Variants in LOC128092252 observed in about 807,000 individuals in gnomAD.
At chr15:50,649,445 A>AT in the LOC128092252 span, among the ~76,000 whole-genome samples, 7 of 151,978 alleles carry the variant, frequency 4.6e-5, no homozygotes, top group Admixed American at 2.6e-4. Context: ...CTCAAAAAAA[A>AT]AAAAAAGAAA....
At chr15:50,673,650 A>T in the LOC128092252 span, among the ~76,000 whole-genome samples, 1 of 151,676 alleles carries the variant, frequency 6.6e-6, no homozygotes, top group South Asian at 2.1e-4. Flanking sequence ...ATATATATAT[A>T]CCACAGTTTC....
At chr15:50,681,933 G>A in the LOC128092252 span, among the ~76,000 whole-genome samples, 11 of 152,134 alleles carry the variant, frequency 7.2e-5, no homozygotes, top group Non-Finnish European at 1.5e-4. Flanking sequence ...TGTAATCCCA[G>A]CACTTTGGGA....
At chr15:50,656,255 G>T in the LOC128092252 span, among the ~76,000 whole-genome samples, 1 of 152,066 alleles carries the variant, frequency 6.6e-6, no homozygotes, top group Non-Finnish European at 1.5e-5. Flanking sequence ...AAGGACTGGA[G>T]ATGGTTAAGT....
chr15:50,655,616 C>T, the LOC128092252 span, among the ~76,000 whole-genome samples: 7 of 151,852 alleles, frequency 4.6e-5, no homozygotes, highest in Non-Finnish European at 1.0e-4. Context: ...AAGAAAAAGA[C>T]CCATTCCACA....
chr15:50,674,819 T>C, the LOC128092252 span, among the ~76,000 whole-genome samples: 4 of 152,144 alleles, frequency 2.6e-5, no homozygotes, highest in African/African-American at 9.7e-5. Context: ...TGGGTTTGTT[T>C]TTGTTTTTTT....
At chr15:50,671,590 C>G in the LOC128092252 span, among the ~76,000 whole-genome samples, 1 of 152,050 alleles carries the variant, frequency 6.6e-6, no homozygotes, top group Non-Finnish European at 1.5e-5. Flanking sequence ...GAGAGGACTG[C>G]TTGAGGCCAG....
chr15:50,648,914 C>A, the LOC128092252 span: 6 of 1,520,246 alleles, frequency 3.9e-6, no homozygotes, highest in East Asian at 2.4e-5. Context: ...ATTAAAACAC[C>A]CTTCAAAAAA....
the LOC128092252 span, among the ~76,000 whole-genome samples, chr15:50,656,725 T>C: frequency 2.6e-5 from 4 of 152,136 alleles, no homozygotes; most frequent in African/African-American, 9.7e-5. Context: ...CTTTTATTCC[T>C]AGCCTACCAC....
chr15:50,658,036 G>A, the LOC128092252 span, among the ~76,000 whole-genome samples: 1 of 138,412 alleles, frequency 7.2e-6, no homozygotes, highest in African/African-American at 2.7e-5. Context: ...ACAGAGTCTC[G>A]CTCTGTTGCC....
At chr15:50,651,522 C>G in the LOC128092252 span, among the ~76,000 whole-genome samples, 1 of 151,646 alleles carries the variant, frequency 6.6e-6, no homozygotes, top group Admixed American at 6.6e-5. Context: ...GCTTGTTGGG[C>G]ACGGTGGCTC....
chr15:50,679,538 A>ATTTTTTTTTT, the LOC128092252 span, among the ~76,000 whole-genome samples: 1 of 43,904 alleles, frequency 2.3e-5, no homozygotes, highest in African/African-American at 1.1e-4. Context: ...ATATATATAT[A>ATTTTTTTTTT]TTTTTTTTTT....
chr15:50,683,789 A>G, the LOC128092252 span, among the ~76,000 whole-genome samples: 1 of 152,188 alleles, frequency 6.6e-6, no homozygotes, highest in Non-Finnish European at 1.5e-5. Flanking sequence ...AAACAAAGAC[A>G]GTATGTGCCT....
At chr15:50,684,228 C>T in the LOC128092252 span, among the ~76,000 whole-genome samples, 2 of 150,734 alleles carry the variant, frequency 1.3e-5, no homozygotes, top group East Asian at 4.0e-4. Context: ...TCTCCGCTTA[C>T]TGCAACCTCC....
At chr15:50,661,523 T>C in the LOC128092252 span, among the ~76,000 whole-genome samples, 1 of 152,218 alleles carries the variant, frequency 6.6e-6, no homozygotes, top group Non-Finnish European at 1.5e-5. Context: ...GTGTTTGTTG[T>C]GAGAGATCCG....
the LOC128092252 span, among the ~76,000 whole-genome samples, chr15:50,667,427 C>T: frequency 1.3e-5 from 2 of 152,150 alleles, no homozygotes; most frequent in Non-Finnish European, 2.9e-5. Flanking sequence ...AGCTGCTGGC[C>T]GGGCACAGTG....
the LOC128092252 span, among the ~76,000 whole-genome samples, chr15:50,655,162 G>A: frequency 0.021 from 3,080 of 149,108 alleles, 124 homozygotes; most frequent in Admixed American, 0.033. Flanking sequence ...CTGGCCAAAT[G>A]CAGTGGCTCA....
the LOC128092252 span, among the ~76,000 whole-genome samples, chr15:50,673,978 T>C: frequency 6.6e-6 from 1 of 152,062 alleles, no homozygotes; most frequent in Admixed American, 6.6e-5. Flanking sequence ...GGTGGTATTA[T>C]TGCATTCTGG....
the LOC128092252 span, among the ~76,000 whole-genome samples, chr15:50,684,570 G>C: frequency 2.0e-5 from 3 of 151,932 alleles, no homozygotes; most frequent in African/African-American, 7.3e-5. Context: ...GAACCCAGGA[G>C]GCGGAGGCTG....
At chr15:50,657,612 C>T in the LOC128092252 span, among the ~76,000 whole-genome samples, 1 of 152,168 alleles carries the variant, frequency 6.6e-6, no homozygotes, top group African/African-American at 2.4e-5. Context: ...GTAGCTTCAC[C>T]TGAGTTTCAA....
Sources: allele counts gnomAD v4.1 joint callset (sites outside exome capture counted in the v4.1 genomes callset), GRCh38; gene constraint gnomAD v4.1.1; transcripts MANE v1.5.